Variants in MMP10 observed in about 807,000 individuals in gnomAD.
The protein encoded by MMP10 is stromelysin-2.
A neutral mutation model predicts 49.1 loss-of-function variants in MMP10; 50 were observed. That is an observed-to-expected ratio of 1.02 (90% CI 0.81 to 1.29). MMP10 has a LOEUF of 1.29. Among genes scored for constraint, MMP10 ranks in the 50% most tolerant of loss-of-function variants. MMP10 has a pLI of 0.00. For synonymous variants in MMP10, 229 were observed against 201.6 expected (o/e 1.14, Z -1.15); for missense variants, 613 against 563.8 (o/e 1.09, Z -0.88).
rs1857793840 is a variant in MMP10 at position 102,779,488 on chromosome 11, T to C, written c.347+16A>G. The C allele has an allele frequency of 3.7e-6, 6 of 1,612,868 alleles. No homozygotes were observed. Among genetic ancestry groups the C allele is most frequent in the Non-Finnish European group, 5.1e-6 (6 of 1,179,218 alleles). ...TAAGGTTTCAATATTATGTGAAAAC[T>C]AATCTGAACCATTACCTGTATGTAA... On this transcript the variant is annotated intron_variant, in intron 2 of 9. Transcript: ENST00000279441.
Position 102,772,706 on chromosome 11 carries a change from A to C in MMP10, c.1226+141T>G. On this transcript the variant is annotated intron_variant, in intron 8 of 9. Transcript: ENST00000279441. The surrounding 1 kb of genome is among the most constrained non-coding windows in gnomAD (Gnocchi z 4.4). ...GGCCTTTGTATCCGGAAGGTAGAAC[A>C]ATAAGCTGTCTTCCTCATAATCATA... The C allele has an allele frequency of 4.7e-6, 4 of 852,874 alleles. No homozygotes were observed. Among genetic ancestry groups the C allele is most frequent in the Non-Finnish European group, 7.1e-6 (4 of 559,646 alleles). 52.8% of individuals were successfully genotyped at this position (852,874 alleles called of 1,614,324 possible).
At chr11:102,778,102 G>A (rs561235520) in intron 4 of MMP10, among the ~76,000 whole-genome samples, 1 of 152,222 alleles carries the variant, frequency 6.6e-6, no homozygotes, top group African/African-American at 2.4e-5. Context: ...GTGTTTCCAA[G>A]CCAATTTAGG....
chr11:102,772,842 C>T lies in MMP10; in HGVS notation c.1226+5G>A, dbSNP rs1439890294. 1.2e-6 allele frequency: 2 copies of T among 1,603,446 alleles called. No homozygotes were observed. Among genetic ancestry groups the T allele is most frequent in the Non-Finnish European group, 1.7e-6 (2 of 1,176,268 alleles). On this transcript the variant is annotated splice_donor_5th_base_variant and intron_variant, in intron 8 of 9. Transcript: ENST00000279441. The surrounding 1 kb of genome is among the most constrained non-coding windows in gnomAD (Gnocchi z 4.4). ...TCATAGAAAGTCATTTCTCTTGCAT[C>T]TCACCTCCAGTATTTGTCCGCTGCA...
At chr11:102,777,237 T>C (rs1367366824) in intron 4 of MMP10, among the ~76,000 whole-genome samples, 1 of 152,176 alleles carries the variant, frequency 6.6e-6, no homozygotes, top group Admixed American at 6.5e-5. Flanking sequence ...GCCAGAAGAC[T>C]GTGGTTATTT....
At chr11:102,771,452 C>T (rs17359230) in intron 9 of MMP10, among the ~76,000 whole-genome samples, 3,109 of 152,290 alleles carry the variant, frequency 0.02, 34 homozygotes, top group Middle Eastern at 0.048. Flanking sequence ...GCAGCTCCCT[C>T]CAAAATTCCT....
rs750361473 is a variant in MMP10, at chr11:102,776,682, G to T, written c.717C>A (p.Tyr239Ter). 21 of 1,614,050 alleles carry T rather than the reference G, an allele frequency of 1.3e-5. No individual in the cohort carries two copies. In the South Asian group the frequency reaches 2.3e-4, roughly 18 times the overall value. ...ANTEALMYPL[Y>*]NSFTELAQFR... The stretch of plus-strand genomic sequence containing the variant: ...ACTGGGCGAGCTCTGTGAATGAGTT[G>T]TAGAGTGGGTACATCAAAGCTTCAG... The change falls in exon 5 of 10, where the codon TAC becomes TAA. Residue 239 changes from tyrosine (Y) to a stop codon, truncating the protein, a stop_gained. Transcript: ENST00000279441. LOFTEE classifies it high-confidence loss of function.
rs548919002 is a variant in MMP10 at position 102,774,780 on chromosome 11, G to A, written c.1066+408C>T. Among the ~76,000 whole-genome samples the A allele has an allele frequency of 4.6e-5, 7 of 152,202 alleles. No individual in the cohort carries two copies. The East Asian group carries it at 5.8e-4, about 13-fold the overall frequency. On this transcript the variant is annotated intron_variant, in intron 7 of 9. Coordinates refer to ENST00000279441, the MANE Select transcript of MMP10 (RefSeq NM_002425.3). Reference sequence around the variant, plus strand: ...CCCTGCACTGATACTACATCTTACCGATTAAAGTTTTATAACACAGGGCTT... The same window carrying A: ...CCCTGCACTGATACTACATCTTACCAATTAAAGTTTTATAACACAGGGCTT...
chr11:102,780,329 CATAAAA>C (rs1468553619), intron 1 of MMP10, among the ~76,000 whole-genome samples, 152 bp downstream of exon 1: 4 of 152,158 alleles, frequency 2.6e-5, no homozygotes, highest in African/African-American at 9.7e-5. Context: ...TCTCTGTTAA[CATAAAA>C]ATAATTTCCA....
chr11:102,772,187 G>C lies in MMP10; in HGVS notation c.1227-72C>G. 1.1e-6 allele frequency: 1 copy of C among 944,430 alleles called. No homozygotes were observed. 58.5% of individuals were successfully genotyped at this position (944,430 alleles called of 1,614,324 possible). A position where few individuals can be genotyped will look rare whatever the true frequency, so the allele number is the denominator to read the frequency against. Reference sequence around the variant, plus strand: ...ATTACACACAATAGTATAATGTGATGTTAATTTTCCAGTGTGGAATCCTAG... The same window carrying C: ...ATTACACACAATAGTATAATGTGATCTTAATTTTCCAGTGTGGAATCCTAG... On this transcript the variant is annotated intron_variant, in intron 8 of 9. Coordinates refer to ENST00000279441, the MANE Select transcript of MMP10 (RefSeq NM_002425.3). This position sits in a 1 kb window ranked among gnomAD's most constrained non-coding sequence, Gnocchi z 4.4.
chr11:102,777,206 C>G (rs1857753183), intron 4 of MMP10, among the ~76,000 whole-genome samples: 1 of 152,098 alleles, frequency 6.6e-6, no homozygotes, highest in African/African-American at 2.4e-5. Flanking sequence ...AATCATATAA[C>G]ATTTACGTTC....
In MMP10 at chr11:102,772,068, A is replaced by G. The variant is rs781279606; in HGVS notation, c.1274T>C (p.Ile425Thr). 5.8e-5 allele frequency: 94 copies of G among 1,613,740 alleles called. No homozygotes were observed. The highest frequency in any genetic ancestry group is 7.5e-5 in the Non-Finnish European group (89 of 1,179,814). ...QSMEQGFPRLIADDFPGVEPK... is the reference protein window; with the variant it reads ...QSMEQGFPRLTADDFPGVEPK... ...CTCAACTCCTGGAAAGTCATCAGCT[A>G]TTAGTCTAGGGAAGCCTTGCTCCAT... is the stretch of plus-strand genomic sequence containing the variant. The change falls in exon 9 of 10, where the codon ATA becomes ACA. Residue 425 changes from isoleucine to threonine, a missense_variant. Physicochemically the swap from Ile to Thr is moderately conservative, Grantham distance 89 (BLOSUM62 -1). Transcript: ENST00000279441. This position sits in a 1 kb window ranked among gnomAD's most constrained non-coding sequence, Gnocchi z 4.4.
At chr11:102,775,682 A>T (rs781017807) in intron 6 of MMP10, among the ~76,000 whole-genome samples, 3 of 152,194 alleles carry the variant, frequency 2.0e-5, no homozygotes, top group African/African-American at 7.2e-5. Context: ...GGTAGGCCAA[A>T]GACTGGAGAG....
At chr11:102,777,056 GA>G (rs1342153266) in intron 4 of MMP10, among the ~76,000 whole-genome samples, 2 of 151,458 alleles carry the variant, frequency 1.3e-5, no homozygotes, top group Non-Finnish European at 2.9e-5. Flanking sequence ...TGACAAATGA[GA>G]AGCATTATTT....
At chr11:102,780,116 A>G (rs1213788471) in intron 1 of MMP10, among the ~76,000 whole-genome samples, 1 of 152,206 alleles carries the variant, frequency 6.6e-6, no homozygotes, top group Non-Finnish European at 1.5e-5. Context: ...ATGACAAGTA[A>G]AAATATGAAA....
At chr11:102,773,714 C>T (rs1861996424) in intron 7 of MMP10, among the ~76,000 whole-genome samples, 1 of 152,222 alleles carries the variant, frequency 6.6e-6, no homozygotes, top group South Asian at 2.1e-4. Context: ...CCCATCTCTG[C>T]ACAACAATAG....
In MMP10 at chr11:102,779,687, TC is replaced by T; in HGVS notation, c.163del (p.Asp55ThrfsTer20). 6.2e-7 allele frequency: 1 copy of T among 1,614,046 alleles called. No individual in the cohort carries two copies. The highest frequency in any genetic ancestry group is 1.1e-5 in the South Asian group (1 of 91,082). Reference sequence around the variant, plus strand: ...GATTTTTTTAACAATGAGATTACTGTCCTTTCTTCTAAACTGTTTCACATCC... The same window carrying T: ...GATTTTTTTAACAATGAGATTACTGTCTTTCTTCTAAACTGTTTCACATCC... ...EKDVKQFRRK[D>X]SNLIVKKIQG... On this transcript the variant is annotated frameshift_variant, in exon 2 of 10. Coordinates refer to ENST00000279441, the MANE Select transcript of MMP10 (RefSeq NM_002425.3). LOFTEE classifies it high-confidence loss of function.
At position 102,779,748 on chromosome 11, in the gene MMP10, A is replaced by G; in HGVS notation, c.106-3T>C. The G allele has an allele frequency of 8.1e-6, 13 of 1,598,228 alleles. No homozygotes were observed. The highest frequency in any genetic ancestry group is 1.0e-5 in the Non-Finnish European group (12 of 1,169,242). On this transcript the variant is annotated splice_polypyrimidine_tract_variant and splice_region_variant and intron_variant, in intron 1 of 9. Coordinates refer to ENST00000279441, the MANE Select transcript of MMP10 (RefSeq NM_002425.3). ...TTGTAGTACTTTTCTAGGTATTGCT[A>G]ATGGAAAATAGAATTTTTAGGGCAT...
At position 102,776,499 on chromosome 11, in the gene MMP10, A is replaced by T. The variant is rs1857739685; in HGVS notation, c.788-75T>A. On this transcript the variant is annotated intron_variant, in intron 5 of 9. Transcript: ENST00000279441. ...ATCTGTCAATTTGTGTGCCTTTCAA[A>T]CATTCTCAAAGTGCTTCAGGCCAAA... The T allele has an allele frequency of 3.2e-6, 5 of 1,587,050 alleles. No individual in the cohort carries two copies. In the South Asian group the frequency reaches 5.7e-5, roughly 18 times the overall value.
At chr11:102,776,579 T>G (rs470154) in intron 5 of MMP10, 33 bp downstream of exon 5, 1,486,908 of 1,599,310 alleles carry the variant, frequency 0.93, 691,832 homozygotes, top group African/African-American at 0.99. Context: ...TCATTGTAGA[T>G]CTGCAATGCC....
Sources: gnomAD v4.1 joint callset for allele counts (sites outside exome capture counted in the v4.1 genomes callset) on GRCh38, gnomAD v4.1.1 for gene constraint, Gnocchi (gnomAD v3.1) non-coding constraint, MANE v1.5 for transcripts, NCBI Gene and HGNC (gene_info 2026-07-23, HGNC 2026-07-21) for gene names.